Variants in FBXO15 observed in about 807,000 individuals in gnomAD.
FBXO15 encodes F-box only protein 15.
A neutral mutation model predicts 49.5 loss-of-function variants in FBXO15; 30 were observed. The ratio of observed to expected loss-of-function variants is 0.61; its 90% CI spans 0.45 to 0.82. FBXO15 has a LOEUF of 0.82. FBXO15 is among the 40% of genes least tolerant of loss of function. FBXO15 has a pLI of 0.00. For missense variants in FBXO15, 591 were observed against 631.5 expected, an observed-to-expected ratio of 0.94 and a Z score of 0.69; for synonymous variants, 250 against 232.7, an observed-to-expected ratio of 1.07 and a Z score of -0.68.
intron 8 of FBXO15, among the ~76,000 whole-genome samples, chr18:74,093,263 T>A (rs1196823079): frequency 4.0e-5 from 5 of 123,604 alleles, no homozygotes; most frequent in Admixed American, 8.2e-5. Context: ...GGCAAAACAA[T>A]GGGGGGGGGG....
Position 74,082,123 on chromosome 18 carries a change from C to A in FBXO15, c.1139-72G>T, listed in dbSNP as rs566388366. The A allele has an allele frequency of 5.0e-5, 77 of 1,541,116 alleles. No individual in the cohort carries two copies. The African/African-American group carries it at 9.4e-4, about 19-fold the overall frequency. ...TGACAAACCAAGCACGTTCAGTCGG[C>A]GACTTTATAAGGATACCTCACCCTG... On this transcript the variant is annotated intron_variant, in intron 8 of 9. Transcript: ENST00000419743.
intron 3 of FBXO15, among the ~76,000 whole-genome samples, chr18:74,131,612 G>C (rs540952581): frequency 1.3e-5 from 2 of 152,342 alleles, no homozygotes; most frequent in South Asian, 4.1e-4. Context: ...GTGGCAGTGA[G>C]CTGGCCTGAG....
intron 9 of FBXO15, 115 bp from the exon 10 acceptor site, chr18:74,073,845 G>C: frequency 3.8e-6 from 5 of 1,309,542 alleles, no homozygotes; most frequent in Non-Finnish European, 5.2e-6. Context: ...TCAAAATCCA[G>C]AATACTATCA....
chr18:74,132,916 C>A (rs1478311413), intron 3 of FBXO15, among the ~76,000 whole-genome samples: 4 of 152,182 alleles, frequency 2.6e-5, no homozygotes, highest in African/African-American at 4.8e-5. Context: ...AAGGGAGTAG[C>A]CCCGCTGCTG....
At chr18:74,115,404 T>A (rs893616344) in intron 8 of FBXO15, among the ~76,000 whole-genome samples, 2 of 152,090 alleles carry the variant, frequency 1.3e-5, no homozygotes, top group African/African-American at 4.8e-5. Flanking sequence ...TAACAGACAC[T>A]GAAAAAAAAT....
At chr18:74,102,468 T>G (rs62097004) in intron 8 of FBXO15, among the ~76,000 whole-genome samples, 13,406 of 152,094 alleles carry the variant, frequency 0.088, 821 homozygotes, top group Admixed American at 0.2. Flanking sequence ...ATGCTGGCAT[T>G]GATGTGGCAC....
intron 5 of FBXO15, among the ~76,000 whole-genome samples, chr18:74,129,110 T>A (rs954014875): frequency 6.6e-6 from 1 of 152,198 alleles, no homozygotes; most frequent in Non-Finnish European, 1.5e-5. Context: ...TCTGTTAAGA[T>A]GGTTAAAATG....
At position 74,147,775 on chromosome 18, in the gene FBXO15, C is replaced by A. The variant is rs1394766626; in HGVS notation, c.11G>T (p.Gly4Val). 1 of 1,534,904 alleles carries A rather than the reference C, an allele frequency of 6.5e-7. No homozygotes were observed. The highest frequency in any genetic ancestry group is 1.7e-4 in the Middle Eastern group (1 of 5,930). Reference protein sequence around the residue: MATGRGRILQQHWL... With the variant: MATVRGRILQQHWL... ...GTGCTGCTGCAAGATCCGACCGCGT[C>A]CAGTCGCCATAGAGACAAGGAGTTC... The change falls in exon 1 of 10, where the codon GGA becomes GTA. Residue 4 changes from glycine to valine, a missense_variant. Gly to Val is a moderately radical substitution (Grantham distance 109, BLOSUM62 -3). Transcript: ENST00000419743.
At chr18:74,090,703 A>G (rs1409194402) in intron 8 of FBXO15, among the ~76,000 whole-genome samples, 1 of 152,130 alleles carries the variant, frequency 6.6e-6, no homozygotes, top group Non-Finnish European at 1.5e-5. Flanking sequence ...ATGTAATTGT[A>G]TGGTTTTGAG....
rs1211826515 is a variant in FBXO15, at chr18:74,074,899, C to T, written c.1264-1169G>A. Among the ~76,000 whole-genome samples, 4 of 152,310 alleles carry T rather than the reference C, an allele frequency of 2.6e-5. No individual in the cohort carries two copies. The South Asian group carries it at 6.2e-4, about 24-fold the overall frequency. On this transcript the variant is annotated intron_variant, in intron 9 of 9. Transcript: ENST00000419743. This position sits in a 1 kb window ranked among gnomAD's most constrained non-coding sequence, Gnocchi z 4.7. The stretch of plus-strand genomic sequence containing the variant: ...TCCTTCTCCCGCCTCTTCCTTTCCA[C>T]TTTAGATTTCACTGGCCTTTGCTGG...
rs75490444 is a variant in FBXO15 at position 74,128,593 on chromosome 18, C to T, written c.785+812G>A. ...CAACGCAGGAGAAGGCAGGTATTACCTTTATATTTGCAATATATCTTATAT... is the reference window on the plus strand; with the variant it reads ...CAACGCAGGAGAAGGCAGGTATTACTTTTATATTTGCAATATATCTTATAT... On this transcript the variant is annotated intron_variant, in intron 5 of 9. Transcript: ENST00000419743. Among the ~76,000 whole-genome samples the T allele has an allele frequency of 5.6e-3, 851 of 152,288 alleles. 8 individuals are homozygous for T. The highest frequency in any genetic ancestry group is 0.02 in the African/African-American group (818 of 41,556).
chr18:74,090,440 T>C (rs910246657), intron 8 of FBXO15, among the ~76,000 whole-genome samples: 1 of 152,204 alleles, frequency 6.6e-6, no homozygotes, highest in African/African-American at 2.4e-5. Context: ...TCTTGTCTTC[T>C]GCTAACTTTG....
intron 9 of FBXO15, among the ~76,000 whole-genome samples, chr18:74,077,246 G>C (rs1912292401): frequency 6.6e-6 from 1 of 152,210 alleles, no homozygotes; most frequent in Non-Finnish European, 1.5e-5. Context: ...AAATGAGAGG[G>C]AGGTGGTAAG....
Position 74,109,220 on chromosome 18 carries a change from C to T in FBXO15, c.1138+14148G>A, listed in dbSNP as rs116928684. Among the ~76,000 whole-genome samples the T allele has an allele frequency of 5.0e-3, 763 of 152,186 alleles. 2 individuals are homozygous for T. Among genetic ancestry groups the T allele is most frequent in the Non-Finnish European group, 7.8e-3 (531 of 67,992 alleles). On this transcript the variant is annotated intron_variant, in intron 8 of 9. Transcript: ENST00000419743. ...AGAAGACATTTATACAGCCAATAGA[C>T]ATATGAAAAAATGCTCATCACTGGT... is the stretch of plus-strand genomic sequence containing the variant.
chr18:74,083,095 G>A (rs1236083430), intron 8 of FBXO15, among the ~76,000 whole-genome samples: 4 of 152,188 alleles, frequency 2.6e-5, no homozygotes, highest in Non-Finnish European at 4.4e-5. Context: ...GAAAGAGGAC[G>A]CAGAGGCAGG....
intron 8 of FBXO15, among the ~76,000 whole-genome samples, chr18:74,117,473 C>T (rs1162674078): frequency 1.3e-5 from 2 of 152,284 alleles, no homozygotes; most frequent in East Asian, 3.9e-4. Context: ...CAGTCACACA[C>T]ACACACAAGA....
intron 8 of FBXO15, among the ~76,000 whole-genome samples, chr18:74,093,194 C>T (rs1206074139): frequency 3.5e-5 from 5 of 141,078 alleles, no homozygotes. Flanking sequence ...TGGTGGAGTG[C>T]ACATACACCC....
At chr18:74,107,806 T>G (rs1913837225) in intron 8 of FBXO15, among the ~76,000 whole-genome samples, 1 of 152,152 alleles carries the variant, frequency 6.6e-6, no homozygotes, top group South Asian at 2.1e-4. Context: ...AACACCAAAA[T>G]GTACCAGAGC....
chr18:74,096,415 C>T (rs1393819181), intron 8 of FBXO15, among the ~76,000 whole-genome samples: 1 of 151,902 alleles, frequency 6.6e-6, no homozygotes, highest in Non-Finnish European at 1.5e-5. Context: ...ACAAGTAGTA[C>T]TCCAATTAGT....
Sources: gnomAD v4.1 joint callset for allele counts (sites outside exome capture counted in the v4.1 genomes callset) on GRCh38, gnomAD v4.1.1 for gene constraint, Gnocchi (gnomAD v3.1) non-coding constraint, MANE v1.5 for transcripts, NCBI Gene and HGNC (gene_info 2026-07-23, HGNC 2026-07-21) for gene names.